The following PRKN variants were observed in gnomAD, a reference collection of about 807,000 sequenced individuals.
PRKN encodes parkin RBR E3 ubiquitin protein ligase.
Under a neutral mutation model 59.5 loss-of-function variants are expected in PRKN, and 56 were observed. The observed-to-expected ratio is 0.94, with a 90% CI of 0.76 to 1.18. The LOEUF (loss-of-function observed/expected upper bound fraction) is 1.18. Ranked by LOEUF, PRKN falls within the 50% of genes most tolerant of loss-of-function variation. The pLI is 0.00. For synonymous variants in PRKN, 250 were observed against 222.1 expected, an observed-to-expected ratio of 1.13 and a Z score of -1.12; for missense variants, 657 against 596.4, an observed-to-expected ratio of 1.10 and a Z score of -1.06.
Position 161,390,253 on chromosome 6 carries a change from C to T in PRKN, c.1084-3376G>A, listed in dbSNP as rs754727625. 5.3e-5 allele frequency among the ~76,000 whole-genome samples: 8 copies of T among 152,138 alleles called. No homozygotes were observed. The highest frequency in any genetic ancestry group is 2.1e-4 in the South Asian group (1 of 4,826). ...TCACACTACGCACCAGAGTGCCCTGCGGTACTGTAACAAACTCACAGGGGT... is the reference window on the plus strand; with the variant it reads ...TCACACTACGCACCAGAGTGCCCTGTGGTACTGTAACAAACTCACAGGGGT... On this transcript the variant is annotated intron_variant, in intron 9 of 11. Coordinates refer to ENST00000366898, the MANE Select transcript of PRKN (RefSeq NM_004562.3). This position sits in a 1 kb window ranked among gnomAD's most constrained non-coding sequence, Gnocchi z 7.0.
intron 4 of PRKN, among the ~76,000 whole-genome samples, chr6:162,123,100 C>G (rs1780983667): frequency 6.6e-6 from 1 of 151,816 alleles, no homozygotes; most frequent in Non-Finnish European, 1.5e-5. Context: ...ACTATGTTGC[C>G]TGGGATGCTG....
rs1350874142 is a variant in PRKN at position 161,386,902 on chromosome 6, A to G, written c.1084-25T>C. ...ACTGCAAAAGAACACACATCCATTA[A>G]TTAGGGACATTAGGTTGCATTTGGC... On this transcript the variant is annotated intron_variant, in intron 9 of 11. Transcript: ENST00000366898. The surrounding 1 kb of genome is among the most constrained non-coding windows in gnomAD (Gnocchi z 4.3). The G allele has an allele frequency of 1.3e-6, 2 of 1,563,948 alleles. No individual in the cohort carries two copies. Among genetic ancestry groups the G allele is most frequent in the Admixed American group, 1.7e-5 (1 of 59,972 alleles).
intron 5 of PRKN, among the ~76,000 whole-genome samples, chr6:162,052,596 C>T (rs1397757500): frequency 3.9e-5 from 6 of 152,160 alleles, no homozygotes; most frequent in Non-Finnish European, 7.3e-5. Flanking sequence ...CAGCCCAGTA[C>T]CCAGGACTAC....
chr6:162,370,194 C>T (rs2128136523), intron 2 of PRKN, among the ~76,000 whole-genome samples: 1 of 152,306 alleles, frequency 6.6e-6, no homozygotes, highest in African/African-American at 2.4e-5. Context: ...CTCGTTTTCT[C>T]ATGCCTGCTT....
intron 6 of PRKN, among the ~76,000 whole-genome samples, chr6:161,825,337 T>C (rs9364613): frequency 0.62 from 94,792 of 151,982 alleles, 29,857 homozygotes; most frequent in Middle Eastern, 0.73. Context: ...AGTAATACTT[T>C]TGCATTCTGT....
Position 162,201,148 on chromosome 6 carries a change from T to C in PRKN, c.517A>G (p.Thr173Ala), listed in dbSNP as rs749094429. The C allele has an allele frequency of 3.1e-5, 50 of 1,614,018 alleles. No individual in the cohort carries two copies. In the Admixed American group the frequency reaches 3.8e-4, roughly 12 times the overall value. Residue 173 changes from threonine (T) to alanine (A), a missense_variant, in exon 4 of 12, where the codon ACG (threonine) becomes GCG (alanine). By Grantham distance (58) the Thr-to-Ala change is moderately conservative. Transcript: ENST00000366898. Reference sequence around the variant, plus strand: ...TTCCTTACCTGGGTCAAGGTGAGCGTTGCCTGCCTGCAGGTGCTGCACTGT... The same window carrying C: ...TTCCTTACCTGGGTCAAGGTGAGCGCTGCCTGCCTGCAGGTGCTGCACTGT... The part of the protein sequence containing the change: ...RVQCSTCRQA[T>A]LTLTQGPSCW...
chr6:162,349,444 G>T (rs1433152307), intron 2 of PRKN, among the ~76,000 whole-genome samples: 3 of 152,134 alleles, frequency 2.0e-5, no homozygotes, highest in Admixed American at 6.6e-5. Context: ...TCCAACCTGG[G>T]CAAGAGAGTG....
chr6:162,503,365 T>C (rs1285574564), intron 1 of PRKN, among the ~76,000 whole-genome samples: 1 of 151,960 alleles, frequency 6.6e-6, no homozygotes, highest in Non-Finnish European at 1.5e-5. Context: ...GGTTTCGCCA[T>C]GTTGGGCAGG....
chr6:161,747,682 G>A (rs1467828583), intron 7 of PRKN, among the ~76,000 whole-genome samples: 3 of 152,206 alleles, frequency 2.0e-5, no homozygotes, highest in African/African-American at 7.2e-5. Flanking sequence ...ACTTGTGGAA[G>A]TCCCACAAGG....
At chr6:161,835,979 T>A (rs1343584862) in intron 6 of PRKN, among the ~76,000 whole-genome samples, 2 of 152,232 alleles carry the variant, frequency 1.3e-5, no homozygotes, top group African/African-American at 4.8e-5. Context: ...ATTTGGTTGC[T>A]TGCCAGCAAA....
chr6:161,907,937 G>GT (rs527717526), intron 6 of PRKN, among the ~76,000 whole-genome samples: 238 of 152,224 alleles, frequency 1.6e-3, no homozygotes, highest in African/African-American at 5.3e-3. Context: ...AATTAGCCGG[G>GT]TGTGGGGGCG....
intron 2 of PRKN, among the ~76,000 whole-genome samples, chr6:162,309,859 C>T (rs1460405222): frequency 6.6e-6 from 1 of 152,078 alleles, no homozygotes. Flanking sequence ...AATCTCCTTC[C>T]TCTCATCCTC....
chr6:162,344,358 A>G (rs1784310173), intron 2 of PRKN, among the ~76,000 whole-genome samples: 1 of 152,204 alleles, frequency 6.6e-6, no homozygotes, highest in South Asian at 2.1e-4. Context: ...TTCACTTAGC[A>G]AACTATCACA....
rs533970952 is a variant in PRKN, at chr6:161,412,023, A to G, written c.1084-25146T>C. Among the ~76,000 whole-genome samples, 81 of 97,444 alleles carry G rather than the reference A, an allele frequency of 8.3e-4. 2 individuals carry two copies. The East Asian group carries it at 0.032, about 39-fold the overall frequency. 63.9% of individuals were successfully genotyped at this position (97,444 alleles called of 152,430 possible). On this transcript the variant is annotated intron_variant, in intron 9 of 11. Transcript: ENST00000366898. ...CACTCATTCCTCCACTCATTCATTCACTCATTCATTCCTCCACTCACTCAT... is the reference window on the plus strand; with the variant it reads ...CACTCATTCCTCCACTCATTCATTCGCTCATTCATTCCTCCACTCACTCAT...
At chr6:162,702,806 C>CT (rs1176952953) in intron 1 of PRKN, among the ~76,000 whole-genome samples, 1 of 152,072 alleles carries the variant, frequency 6.6e-6, no homozygotes, top group African/African-American at 2.4e-5. Context: ...GCATAATTAC[C>CT]TCAGTGTTGA....
At chr6:162,646,008 G>A (rs1000081671) in intron 1 of PRKN, among the ~76,000 whole-genome samples, 1 of 151,256 alleles carries the variant, frequency 6.6e-6, no homozygotes, top group Admixed American at 6.6e-5. Flanking sequence ...CCCAGTAGCT[G>A]GGACTTCAGG....
At chr6:161,416,519 A>C (rs1432362406) in intron 9 of PRKN, among the ~76,000 whole-genome samples, 3 of 152,116 alleles carry the variant, frequency 2.0e-5, no homozygotes. Flanking sequence ...CTCCAGTGAT[A>C]GGCCCATCAG....
intron 2 of PRKN, among the ~76,000 whole-genome samples, chr6:162,416,185 G>A (rs1788622341): frequency 6.6e-6 from 1 of 152,050 alleles, no homozygotes; most frequent in South Asian, 2.1e-4. Context: ...ATTGTCGAGG[G>A]TGAGTATTTG....
intron 4 of PRKN, among the ~76,000 whole-genome samples, chr6:162,109,428 C>A (rs1001041137): frequency 6.6e-6 from 1 of 152,170 alleles, no homozygotes; most frequent in Non-Finnish European, 1.5e-5. Context: ...AAATTCAGGA[C>A]TTTATACAAG....
Sources: allele counts gnomAD v4.1 joint callset (sites outside exome capture counted in the v4.1 genomes callset), GRCh38; gene constraint gnomAD v4.1.1; non-coding constraint Gnocchi (gnomAD v3.1); transcripts MANE v1.5; gene names NCBI Gene and HGNC (gene_info 2026-07-23, HGNC 2026-07-21).